The following GALNT16 variants were observed in gnomAD, a reference collection of about 807,000 sequenced individuals.
GALNT16 encodes UDP-GalNAc:polypeptide N-acetylgalactosaminyltransferase-like protein 1.
GALNT16 carries 40 observed loss-of-function variants against 76.1 expected under a neutral mutation model. That is an observed-to-expected ratio of 0.53 (90% CI 0.41 to 0.68). The LOEUF is 0.68. Among genes scored for constraint, GALNT16 ranks in the 30% least tolerant of loss-of-function variants. The pLI is 0.00. For missense variants in GALNT16, 621 were observed against 731.9 expected (o/e 0.85, Z 1.75); for synonymous variants, 276 against 285.2 (o/e 0.97, Z 0.32).
chr14:69,371,966 AAATAAT>A, the GALNT16 span, among the ~76,000 whole-genome samples: 1 of 152,050 alleles, frequency 6.6e-6, no homozygotes, highest in Non-Finnish European at 1.5e-5. Context: ...AATAAATAAT[AAATAAT>A]AATAAGTTAT....
chr14:69,283,971 T>C (rs562311945), intron 1 of GALNT16, among the ~76,000 whole-genome samples: 1 of 152,312 alleles, frequency 6.6e-6, no homozygotes, highest in East Asian at 1.9e-4. Flanking sequence ...GAATCGGTGA[T>C]AACAGAGGCA....
chr14:69,366,703 T>G, the GALNT16 span, among the ~76,000 whole-genome samples: 1 of 152,212 alleles, frequency 6.6e-6, no homozygotes, highest in African/African-American at 2.4e-5. Flanking sequence ...ATGGAACCAG[T>G]ATGAATAGGC....
At chr14:69,259,957 G>C (rs977484616), upstream of GALNT16, 11 of 200,998 alleles carry the variant, frequency 5.5e-5, no homozygotes, top group Non-Finnish European at 5.9e-5. Context: ...GGCCCGCGCC[G>C]CTTCCCACTC....
At chr14:69,340,632 G>C (rs1284467184) in intron 11 of GALNT16, among the ~76,000 whole-genome samples, 1 of 151,996 alleles carries the variant, frequency 6.6e-6, no homozygotes, top group Non-Finnish European at 1.5e-5. Flanking sequence ...TTACAGGCAC[G>C]TGCCACCATG....
chr14:69,301,337 G>A (rs2044849287), intron 1 of GALNT16, among the ~76,000 whole-genome samples: 1 of 152,180 alleles, frequency 6.6e-6, no homozygotes, highest in African/African-American at 2.4e-5. Flanking sequence ...CAGGGACAGA[G>A]TATGTAGCTT....
At chr14:69,264,935 T>A (rs1393244612) in intron 1 of GALNT16, among the ~76,000 whole-genome samples, 3 of 151,184 alleles carry the variant, frequency 2.0e-5, no homozygotes, top group African/African-American at 4.9e-5. Flanking sequence ...TGCCTCAGCA[T>A]CCTGAATAGC....
At chr14:69,355,768 G>C (rs561688329), downstream of GALNT16, 5 of 152,396 alleles carry the variant, frequency 3.3e-5, no homozygotes, top group Admixed American at 3.3e-4. Flanking sequence ...ACAGCAGGGA[G>C]CTGTTCCTGA....
chr14:69,271,203 A>G (rs1409377933), intron 1 of GALNT16, among the ~76,000 whole-genome samples: 1 of 152,170 alleles, frequency 6.6e-6, no homozygotes, highest in Admixed American at 6.5e-5. Context: ...ATAGCAGAGA[A>G]CACAGCGTCA....
rs540182038 is a variant in GALNT16 at position 69,295,863 on chromosome 14, A to G, written c.178-24848A>G. 4.6e-5 allele frequency among the ~76,000 whole-genome samples: 7 copies of G among 152,232 alleles called. No homozygotes were observed. The South Asian group carries it at 1.4e-3, about 32-fold the overall frequency. ...CTAAGACCAAGGAGTATAAGAAGAT[A>G]TTTCTTTCACTCTGGAAAGTCCTAT... On this transcript the variant is annotated intron_variant, in intron 1 of 14. Coordinates refer to ENST00000448469, the MANE Select transcript of GALNT16 (RefSeq NM_001168368.2).
Position 69,320,783 on chromosome 14 carries a change from G to A in GALNT16, c.250G>A (p.Asp84Asn), listed in dbSNP as rs760278398. ...LSAKQLKAGE[D>N]PYRQHAFNQL... ...GGCCAAGCAGCTGAAGGCTGGAGAG[G>A]ACCCCTACAGACAGCACGCCTTCAA... Residue 84 changes from aspartate to asparagine, a missense_variant, in exon 2 of 15, where the codon GAC becomes AAC. Coordinates refer to ENST00000448469, the MANE Select transcript of GALNT16 (RefSeq NM_001168368.2). 3 of 1,614,182 alleles carry A rather than the reference G, an allele frequency of 1.9e-6. No homozygotes were observed. The highest frequency in any genetic ancestry group is 1.7e-5 in the Admixed American group (1 of 60,024).
At chr14:69,296,557 G>A (rs1434969733) in intron 1 of GALNT16, among the ~76,000 whole-genome samples, 1 of 152,068 alleles carries the variant, frequency 6.6e-6, no homozygotes, top group Non-Finnish European at 1.5e-5. Flanking sequence ...GCCTGGCATG[G>A]TGGCACACAC....
intron 1 of GALNT16, among the ~76,000 whole-genome samples, chr14:69,284,256 G>T (rs1339110549): frequency 6.6e-6 from 1 of 152,286 alleles, no homozygotes; most frequent in Non-Finnish European, 1.5e-5. Context: ...AGGCCATCCT[G>T]CTACCCTCCA....
chr14:69,377,804 CAAAAAAAAAAA>C, the GALNT16 span, among the ~76,000 whole-genome samples: 4 of 37,486 alleles, frequency 1.1e-4, no homozygotes, highest in South Asian at 1.5e-3. Flanking sequence ...GAGACTGTCT[CAAAAAAAAAAA>C]AAAAAAAAAA....
At chr14:69,269,778 ATG>A (rs149628376) in intron 1 of GALNT16, among the ~76,000 whole-genome samples, 4 of 137,324 alleles carry the variant, frequency 2.9e-5, no homozygotes, top group Non-Finnish European at 4.7e-5. Flanking sequence ...TGTATGTAGT[ATG>A]TGTGTGTGTG....
intron 9 of GALNT16, among the ~76,000 whole-genome samples, chr14:69,336,129 A>C (rs1284542716): frequency 6.6e-6 from 1 of 151,784 alleles, no homozygotes; most frequent in Non-Finnish European, 1.5e-5. Flanking sequence ...CTTTTTTTTC[A>C]GACAGAGTCT....
At chr14:69,330,961 C>T (rs1566883613) in intron 6 of GALNT16, among the ~76,000 whole-genome samples, 1 of 152,116 alleles carries the variant, frequency 6.6e-6, no homozygotes, top group East Asian at 1.9e-4. Context: ...TACATGGGGA[C>T]CTCGGAGCCC....
chr14:69,269,233 A>G (rs546906577), intron 1 of GALNT16, among the ~76,000 whole-genome samples: 1 of 152,174 alleles, frequency 6.6e-6, no homozygotes, highest in South Asian at 2.1e-4. Flanking sequence ...TGTGTCTTGG[A>G]ACACTTCATT....
chr14:69,376,719 G>A, the GALNT16 span, among the ~76,000 whole-genome samples: 529 of 152,174 alleles, frequency 3.5e-3, no homozygotes, highest in South Asian at 0.016. Context: ...ACACAATGGT[G>A]CAATGTATTA....
At chr14:69,381,920 C>G in the GALNT16 span, among the ~76,000 whole-genome samples, 1 of 152,166 alleles carries the variant, frequency 6.6e-6, no homozygotes, top group African/African-American at 2.4e-5. Context: ...GAACTCCTGA[C>G]CCTCAAGTGA....
Sources: allele counts gnomAD v4.1 joint callset (sites outside exome capture counted in the v4.1 genomes callset), GRCh38; gene constraint gnomAD v4.1.1; transcripts MANE v1.5; gene names NCBI Gene and HGNC (gene_info 2026-07-23, HGNC 2026-07-21).